The following SASH1 variants were observed in gnomAD, a reference collection of about 807,000 sequenced individuals.
SASH1 encodes SAM and SH3 domain-containing protein 1.
Under a neutral mutation model 125.2 loss-of-function variants are expected in SASH1, and 44 were observed. The observed-to-expected ratio is 0.35, with a 90% CI of 0.28 to 0.45. SASH1 has a LOEUF of 0.45. Ranked by LOEUF, SASH1 falls within the 20% of genes least tolerant of loss-of-function variation. The pLI, the probability that SASH1 is intolerant of heterozygous loss-of-function variation, is 1.00. For synonymous variants in SASH1, 639 were observed against 649.1 expected (o/e 0.98, Z 0.24); for missense variants, 1,426 against 1,614.5 (o/e 0.88, Z 2.00).
At chr6:148,282,097 A>G (rs1488699354) in intron 1 of SASH1, among the ~76,000 whole-genome samples, 3 of 152,182 alleles carry the variant, frequency 2.0e-5, no homozygotes, top group Non-Finnish European at 4.4e-5. Flanking sequence ...TTGAAGGACA[A>G]TCTTGAGGGA....
chr6:148,547,413 T>A (rs1162724961), intron 19 of SASH1, among the ~76,000 whole-genome samples: 1 of 152,226 alleles, frequency 6.6e-6, no homozygotes, highest in Non-Finnish European at 1.5e-5. Flanking sequence ...ATAAGACTTA[T>A]GAATTGTTTA....
At chr6:148,344,754 T>C (rs932722835) in intron 1 of SASH1, among the ~76,000 whole-genome samples, 7 of 150,128 alleles carry the variant, frequency 4.7e-5, no homozygotes, top group Admixed American at 2.7e-4. Context: ...CTTTTTCTTT[T>C]CTTTTTTTTT....
At chr6:148,274,358 A>G (rs1644504812) in intron 1 of SASH1, among the ~76,000 whole-genome samples, 1 of 152,212 alleles carries the variant, frequency 6.6e-6, no homozygotes, top group Admixed American at 6.5e-5. Context: ...TTGGCAGGTA[A>G]TGTTTTCAGT....
chr6:148,523,067 A>G (rs1780912373), intron 10 of SASH1, among the ~76,000 whole-genome samples: 1 of 152,224 alleles, frequency 6.6e-6, no homozygotes, highest in South Asian at 2.1e-4. Flanking sequence ...AATGCATACA[A>G]TAGGCATGTG....
At chr6:148,445,220 A>G (rs888479483) in intron 4 of SASH1, among the ~76,000 whole-genome samples, 1 of 151,940 alleles carries the variant, frequency 6.6e-6, no homozygotes, top group Non-Finnish European at 1.5e-5. Flanking sequence ...AGTCCTGCCA[A>G]CCTCCTGTCT....
chr6:148,238,209 CTTACT>C, the SASH1 span, among the ~76,000 whole-genome samples: 30 of 148,120 alleles, frequency 2.0e-4, no homozygotes, highest in East Asian at 4.0e-4. Context: ...CCCCATAGTA[CTTACT>C]TTATTTTATT....
At chr6:148,401,128 C>T (rs894207720) in intron 2 of SASH1, among the ~76,000 whole-genome samples, 3 of 151,968 alleles carry the variant, frequency 2.0e-5, no homozygotes, top group Admixed American at 1.3e-4. Flanking sequence ...GTGGCGCATG[C>T]CTGTAGTCAC....
intron 1 of SASH1, among the ~76,000 whole-genome samples, chr6:148,294,285 C>G (rs1012566781): frequency 2.0e-5 from 3 of 152,188 alleles, no homozygotes; most frequent in African/African-American, 7.2e-5. Context: ...GTCGCAGGAT[C>G]AGCGGTTGAA....
At chr6:148,500,343 G>T (rs909525531) in intron 8 of SASH1, among the ~76,000 whole-genome samples, 1 of 152,058 alleles carries the variant, frequency 6.6e-6, no homozygotes, top group Non-Finnish European at 1.5e-5. Context: ...GGGATAGCTG[G>T]ACTCTGCCTT....
At chr6:148,271,651 C>T (rs1313999196), upstream of SASH1, among the ~76,000 whole-genome samples, 6 of 152,128 alleles carry the variant, frequency 3.9e-5, no homozygotes, top group African/African-American at 1.2e-4. Context: ...TAAGCCCCAG[C>T]GAAGGTGTTT....
At chr6:148,248,132 A>C in the SASH1 span, among the ~76,000 whole-genome samples, 1 of 152,208 alleles carries the variant, frequency 6.6e-6, no homozygotes, top group East Asian at 1.9e-4. Context: ...TTTCTTTTAC[A>C]ATCCTCCAAA....
At chr6:148,278,506 AAATTTT>A (rs1391772571) in intron 1 of SASH1, among the ~76,000 whole-genome samples, 1 of 152,098 alleles carries the variant, frequency 6.6e-6, no homozygotes, top group African/African-American at 2.4e-5. Context: ...GAATTAAATT[AAATTTT>A]AATTTTAATT....
intron 8 of SASH1, among the ~76,000 whole-genome samples, chr6:148,488,617 C>T (rs139314353): frequency 6.6e-6 from 1 of 152,358 alleles, no homozygotes; most frequent in East Asian, 1.9e-4. Flanking sequence ...TTCCTGCCAA[C>T]AATGTACAAA....
chr6:148,474,257 G>T, intron 7 of SASH1, 35 bp downstream of exon 7: 1 of 1,349,114 alleles, frequency 7.4e-7, no homozygotes, highest in South Asian at 1.2e-5. Context: ...TATTTGTGAG[G>T]ACTTGACTTT....
At chr6:148,329,670 C>CA (rs1020004124) in intron 1 of SASH1, among the ~76,000 whole-genome samples, 8 of 151,914 alleles carry the variant, frequency 5.3e-5, no homozygotes, top group African/African-American at 1.7e-4. Context: ...GTGTGTGTCA[C>CA]AAAAAATGCA....
chr6:148,215,708 G>A, the SASH1 span, among the ~76,000 whole-genome samples: 572 of 152,206 alleles, frequency 3.8e-3, 8 homozygotes, highest in African/African-American at 0.012. Context: ...TTGTGGTGTC[G>A]TTTCATCGCA....
At chr6:148,542,341 C>G (rs1014796102) in intron 17 of SASH1, among the ~76,000 whole-genome samples, 1 of 152,018 alleles carries the variant, frequency 6.6e-6, no homozygotes, top group Non-Finnish European at 1.5e-5. Context: ...AAATCTGATG[C>G]AATTTTTTTT....
chr6:148,548,306 T>C lies in SASH1; in HGVS notation c.3492T>C (p.Gly1164=). 1 of 1,612,052 alleles carries C rather than the reference T, an allele frequency of 6.2e-7. No homozygotes were observed. The highest frequency in any genetic ancestry group is 8.5e-7 in the Non-Finnish European group (1 of 1,178,988). The stretch of plus-strand genomic sequence containing the variant: ...CTTAATTTATCCAGATTCCAAGTGG[T>C]GGACTCACGGAAATCTGCCGAAAGC... ...RKQHRMAIPS[G]GLTEICRKPV... The change falls in exon 20 of 20, where the codon GGT becomes GGC. Residue 1164 remains glycine (G), a synonymous_variant. Coordinates refer to ENST00000367467, the MANE Select transcript of SASH1 (RefSeq NM_015278.5).
In SASH1 at chr6:148,468,565, A is replaced by G. The variant is rs754365960; in HGVS notation, c.407A>G (p.Asn136Ser). Residue 136 changes from asparagine (N) to serine (S), a missense_variant, in exon 5 of 20, where the codon AAC (asparagine) becomes AGC (serine). Physicochemically the swap from Asn to Ser is conservative, Grantham distance 46 (BLOSUM62 1). Coordinates refer to ENST00000367467, the MANE Select transcript of SASH1 (RefSeq NM_015278.5). ...TCTAGGAACCCTCTTCATAAATCAA[A>G]CTCAGAAGACAGCTCTGTAGGTCAG... ...VERKNPLHKS[N>S]SEDSSVGKGD... The G allele has an allele frequency of 1.9e-6, 3 of 1,609,080 alleles. No individual in the cohort carries two copies. The Admixed American group carries it at 5.0e-5, about 27-fold the overall frequency.
Sources: allele counts gnomAD v4.1 joint callset (sites outside exome capture counted in the v4.1 genomes callset), GRCh38; gene constraint gnomAD v4.1.1; transcripts MANE v1.5; gene names NCBI Gene and HGNC (gene_info 2026-07-23, HGNC 2026-07-21).